Variants in ZNF215 observed in about 807,000 individuals in gnomAD.
The protein encoded by ZNF215 is BWSCR2-associated zinc finger protein 2.
ZNF215 carries 24 observed loss-of-function variants against 27.2 expected under a neutral mutation model. The ratio of observed to expected loss-of-function variants is 0.88; its 90% CI spans 0.64 to 1.24. The LOEUF (loss-of-function observed/expected upper bound fraction) is 1.24. Among genes scored for constraint, ZNF215 ranks in the 50% most tolerant of loss-of-function variants. ZNF215 has a pLI of 0.00. For synonymous variants in ZNF215, 210 were observed against 204.0 expected (o/e 1.03, Z -0.25); for missense variants, 675 against 605.7 (o/e 1.11, Z -1.20).
At chr11:6,960,418 C>G (rs1198544936), downstream of ZNF215, among the ~76,000 whole-genome samples, 6 of 152,082 alleles carry the variant, frequency 3.9e-5, no homozygotes, top group Admixed American at 3.9e-4. Flanking sequence ...AGCATCCAGC[C>G]TACAAAGAGG....
intron 3 of ZNF215, among the ~76,000 whole-genome samples, chr11:6,941,369 T>C (rs1849625317): frequency 6.6e-6 from 1 of 152,226 alleles, no homozygotes. Flanking sequence ...TGGTAGCATA[T>C]CAGAATCACA....
At chr11:6,952,692 T>G (rs937884454) in intron 6 of ZNF215, among the ~76,000 whole-genome samples, 3 of 152,200 alleles carry the variant, frequency 2.0e-5, no homozygotes, top group African/African-American at 7.2e-5. Flanking sequence ...TTATCCAATT[T>G]GCCAGTCCGT....
At chr11:6,989,270 TCAG>T (rs2133365668), downstream of ZNF215, among the ~76,000 whole-genome samples, 1 of 149,408 alleles carries the variant, frequency 6.7e-6, no homozygotes, top group Non-Finnish European at 1.5e-5. Context: ...GGAAAAAACA[TCAG>T]CAGTCTGATC....
chr11:6,939,914 A>C (rs1362493719), intron 3 of ZNF215, among the ~76,000 whole-genome samples: 3 of 152,112 alleles, frequency 2.0e-5, no homozygotes, highest in Admixed American at 6.5e-5. Flanking sequence ...CATTCCACAA[A>C]GTGTACAGAC....
chr11:6,935,848 T>C (rs1406846899), intron 3 of ZNF215, among the ~76,000 whole-genome samples: 3 of 152,156 alleles, frequency 2.0e-5, no homozygotes, highest in Non-Finnish European at 4.4e-5. Flanking sequence ...TGACATCTCA[T>C]GAAGTATCTT....
downstream of ZNF215, chr11:6,988,290 T>G: frequency 1.0e-6 from 1 of 979,496 alleles, no homozygotes; most frequent in Non-Finnish European, 1.2e-6. Flanking sequence ...AGACTCAGCC[T>G]GACCAAAGAA....
intron 5 of ZNF215, 141 bp downstream of exon 5, chr11:6,943,356 T>C: frequency 1.5e-6 from 2 of 1,344,040 alleles, no homozygotes; most frequent in South Asian, 2.9e-5. Context: ...AGTAGCAGAT[T>C]TTCTGACTCA....
intron 6 of ZNF215, among the ~76,000 whole-genome samples, chr11:6,951,330 C>G (rs1257809382): frequency 2.0e-5 from 3 of 152,046 alleles, no homozygotes; most frequent in Non-Finnish European, 4.4e-5. Context: ...CCTTGTACCT[C>G]TGGTAGAATT....
At chr11:6,937,934 A>G (rs1849495169) in intron 3 of ZNF215, among the ~76,000 whole-genome samples, 1 of 151,936 alleles carries the variant, frequency 6.6e-6, no homozygotes, top group South Asian at 2.1e-4. Flanking sequence ...ATCACCTTAA[A>G]TTTGGTAATC....
chr11:6,931,318 A>G (rs1203532916), intron 2 of ZNF215, among the ~76,000 whole-genome samples: 3 of 152,214 alleles, frequency 2.0e-5, no homozygotes, highest in African/African-American at 7.2e-5. Context: ...CTTTTGAGTC[A>G]GAGTGTTTCC....
downstream of ZNF215, among the ~76,000 whole-genome samples, chr11:6,958,502 G>A (rs1231150850): frequency 6.6e-6 from 1 of 152,184 alleles, no homozygotes; most frequent in Non-Finnish European, 1.5e-5. Context: ...TAAAGCTCTT[G>A]CAGAGCATTT....
chr11:6,958,930 C>T (rs914887903), downstream of ZNF215, among the ~76,000 whole-genome samples: 4 of 152,160 alleles, frequency 2.6e-5, no homozygotes, highest in African/African-American at 9.7e-5. Flanking sequence ...TTTGGCCACA[C>T]TGGCAGCTGA....
At chr11:6,982,321 C>A (rs1030565891) in intron 5 of ZNF215, among the ~76,000 whole-genome samples, 232 of 152,082 alleles carry the variant, frequency 1.5e-3, no homozygotes, top group African/African-American at 5.5e-3. Context: ...GACTTTAACA[C>A]CCCACTATCA....
chr11:6,968,599 C>T (rs962873085), intron 5 of ZNF215, among the ~76,000 whole-genome samples: 1 of 150,996 alleles, frequency 6.6e-6, no homozygotes, highest in Non-Finnish European at 1.5e-5. Context: ...GGCACAGTGG[C>T]TCACACCTGT....
Position 6,941,637 on chromosome 11 carries a change from G to A in ZNF215, c.467G>A (p.Arg156Gln), listed in dbSNP as rs780015579. 3.7e-6 allele frequency: 6 copies of A among 1,613,850 alleles called. No homozygotes were observed. The highest frequency in any genetic ancestry group is 1.3e-5 in the African/African-American group (1 of 74,924). Residue 156 changes from arginine (R) to glutamine (Q), a missense_variant, in exon 4 of 7, where the codon CGA becomes CAA. Physicochemically the swap from Arg to Gln is conservative, Grantham distance 43. Coordinates refer to ENST00000278319, the MANE Select transcript of ZNF215 (RefSeq NM_013250.4). The stretch of plus-strand genomic sequence containing the variant: ...AAGGAGAAAATGAAAGCTGGCTCAC[G>A]AACAGGCAAACCACAGGTGAATTAG... ...SIKEKMKAGS[R>Q]TGKPQEPVTF...
At chr11:6,961,777 A>G (rs1437933468), downstream of ZNF215, among the ~76,000 whole-genome samples, 5 of 152,136 alleles carry the variant, frequency 3.3e-5, no homozygotes, top group African/African-American at 1.2e-4. Flanking sequence ...ATATTTAAAA[A>G]TCATTTTTTT....
intron 5 of ZNF215, among the ~76,000 whole-genome samples, chr11:6,972,294 A>G (rs1850733606): frequency 6.6e-6 from 1 of 152,150 alleles, no homozygotes; most frequent in Non-Finnish European, 1.5e-5. Flanking sequence ...TAAACAATAC[A>G]TAATGAATGG....
At chr11:6,930,743 C>T (rs1401265561) in intron 2 of ZNF215, among the ~76,000 whole-genome samples, 3 of 152,140 alleles carry the variant, frequency 2.0e-5, no homozygotes, top group East Asian at 1.9e-4. Flanking sequence ...CTCTTTTAAT[C>T]CCTATAATTT....
At chr11:6,974,942 G>A (rs1349607913) in intron 5 of ZNF215, among the ~76,000 whole-genome samples, 1 of 143,376 alleles carries the variant, frequency 7.0e-6, no homozygotes, top group East Asian at 2.0e-4. Flanking sequence ...GAATAGGAGT[G>A]GTGAGAGAGG....
Sources: gnomAD v4.1 joint callset for allele counts (sites outside exome capture counted in the v4.1 genomes callset) on GRCh38, gnomAD v4.1.1 for gene constraint, MANE v1.5 for transcripts, NCBI Gene and HGNC (gene_info 2026-07-23, HGNC 2026-07-21) for gene names.